Variants in NCKAP5 observed in about 807,000 individuals in gnomAD.
NCKAP5 encodes NCK associated protein 5.
Under a neutral mutation model 167.0 loss-of-function variants are expected in NCKAP5, and 92 were observed. That is an observed-to-expected ratio of 0.55 (90% CI 0.47 to 0.66). NCKAP5 has a LOEUF of 0.66. NCKAP5 is among the 30% of genes least tolerant of loss of function. NCKAP5 has a pLI of 0.00. For missense variants in NCKAP5, 2,378 were observed against 2,315.0 expected (o/e 1.03, Z -0.56); for synonymous variants, 891 against 877.4 (o/e 1.02, Z -0.27).
In NCKAP5 at chr2:133,547,021, G is replaced by A. The variant is rs539637181; in HGVS notation, c.-62+12029C>T. On this transcript the variant is annotated intron_variant, in intron 2 of 19. Coordinates refer to ENST00000409261, the MANE Select transcript of NCKAP5 (RefSeq NM_207363.3). The stretch of plus-strand genomic sequence containing the variant: ...AGTGGGCGCAGGCCAGTGGGTGCGC[G>A]CACCGTGCGCGAGCTGAAGCAGGGC... Among the ~76,000 whole-genome samples the A allele has an allele frequency of 5.3e-4, 81 of 152,278 alleles. 1 individual carries two copies. The South Asian group carries it at 6.8e-3, about 13-fold the overall frequency.
chr2:132,728,410 A>G (rs906639540), intron 18 of NCKAP5, among the ~76,000 whole-genome samples: 1 of 152,210 alleles, frequency 6.6e-6, no homozygotes, highest in Admixed American at 6.5e-5. Flanking sequence ...CTTAAAAGCA[A>G]TAGAATTAGA....
At chr2:132,955,253 C>T (rs542069338) in intron 8 of NCKAP5, among the ~76,000 whole-genome samples, 21 of 152,296 alleles carry the variant, frequency 1.4e-4, no homozygotes, top group Middle Eastern at 3.4e-3. Flanking sequence ...TGGACATATC[C>T]GTGGCCATGT....
At chr2:133,518,352 T>TA (rs923456990) in intron 2 of NCKAP5, among the ~76,000 whole-genome samples, 3 of 115,276 alleles carry the variant, frequency 2.6e-5, no homozygotes, top group Non-Finnish European at 5.5e-5. Context: ...GGATTTTTTT[T>TA]TTTTTTTTTT....
chr2:133,306,820 A>T (rs1680811136), intron 3 of NCKAP5, among the ~76,000 whole-genome samples: 1 of 152,164 alleles, frequency 6.6e-6, no homozygotes, highest in Non-Finnish European at 1.5e-5. Flanking sequence ...TCAATATCTC[A>T]TTTGGGAAAC....
At chr2:133,194,426 A>G (rs1026038209) in intron 5 of NCKAP5, among the ~76,000 whole-genome samples, 1 of 152,134 alleles carries the variant, frequency 6.6e-6, no homozygotes, top group African/African-American at 2.4e-5. Flanking sequence ...AGGAACCAAC[A>G]AGTCAGTTTC....
At chr2:133,291,305 G>T (rs1048790264) in intron 4 of NCKAP5, among the ~76,000 whole-genome samples, 2 of 152,178 alleles carry the variant, frequency 1.3e-5, no homozygotes, top group Non-Finnish European at 2.9e-5. Flanking sequence ...CAGTGTGATT[G>T]AGAGCAACAT....
At chr2:133,451,141 C>G (rs1416116769) in intron 3 of NCKAP5, among the ~76,000 whole-genome samples, 3 of 152,060 alleles carry the variant, frequency 2.0e-5, no homozygotes, top group African/African-American at 7.3e-5. Flanking sequence ...GACACAGACT[C>G]AAAGAGAAGA....
At chr2:133,229,393 A>T (rs1321030284) in intron 4 of NCKAP5, among the ~76,000 whole-genome samples, 1 of 152,218 alleles carries the variant, frequency 6.6e-6, no homozygotes, top group Admixed American at 6.5e-5. Context: ...GCCAACAAAA[A>T]GCCACTTCCT....
chr2:133,001,678 T>C (rs773366762), intron 6 of NCKAP5, among the ~76,000 whole-genome samples: 3 of 152,164 alleles, frequency 2.0e-5, no homozygotes, highest in Non-Finnish European at 4.4e-5. Context: ...ACTCAAATAT[T>C]TAAACCACCC....
At chr2:132,976,388 C>T (rs545359768) in intron 7 of NCKAP5, among the ~76,000 whole-genome samples, 1 of 151,948 alleles carries the variant, frequency 6.6e-6, no homozygotes, top group East Asian at 1.9e-4. Flanking sequence ...CATGGTGAAA[C>T]CCCATCTCTA....
At chr2:132,995,565 C>T (rs934893010) in intron 6 of NCKAP5, among the ~76,000 whole-genome samples, 3 of 151,690 alleles carry the variant, frequency 2.0e-5, no homozygotes, top group African/African-American at 4.8e-5. Context: ...ACAGGAGAAT[C>T]GCTTGAACCT....
rs569889799 is a variant in NCKAP5, at chr2:133,053,570, A to G, written c.342-59331T>C. Among the ~76,000 whole-genome samples the G allele has an allele frequency of 1.9e-4, 29 of 152,284 alleles. No homozygotes were observed. In the South Asian group the frequency reaches 5.8e-3, roughly 30 times the overall value. ...GCGACCTTCAAAAATTCAAAGGTTA[A>G]CTTTCTTTACTTTCTGAATCCTACT... On this transcript the variant is annotated intron_variant, in intron 6 of 19. Transcript: ENST00000409261.
At chr2:132,948,620 G>A (rs1176880324) in intron 8 of NCKAP5, among the ~76,000 whole-genome samples, 1 of 152,110 alleles carries the variant, frequency 6.6e-6, no homozygotes, top group Non-Finnish European at 1.5e-5. Context: ...CAAAGGAGAG[G>A]CTGTATGAAA....
intron 16 of NCKAP5, among the ~76,000 whole-genome samples, chr2:132,767,761 A>G (rs1681642389): frequency 2.0e-5 from 3 of 152,248 alleles, no homozygotes; most frequent in Admixed American, 2.0e-4. Flanking sequence ...ACTCAAAGGT[A>G]TTTACTGAGC....
intron 3 of NCKAP5, among the ~76,000 whole-genome samples, chr2:133,480,702 T>A (rs1211409490): frequency 1.3e-5 from 2 of 152,226 alleles, no homozygotes; most frequent in African/African-American, 4.8e-5. Context: ...CACCTTTGCA[T>A]GGGCTTCTCC....
chr2:133,512,246 T>C (rs530014915), intron 3 of NCKAP5, among the ~76,000 whole-genome samples: 45 of 152,312 alleles, frequency 3.0e-4, no homozygotes, highest in African/African-American at 8.7e-4. Context: ...CTTCTAAATA[T>C]TTTTCTACTA....
chr2:132,752,398 C>T (rs539980361), intron 16 of NCKAP5, among the ~76,000 whole-genome samples: 42 of 152,356 alleles, frequency 2.8e-4, no homozygotes, highest in African/African-American at 9.4e-4. Flanking sequence ...CTTTGTTCCA[C>T]ATGAACTCAG....
intron 11 of NCKAP5, among the ~76,000 whole-genome samples, chr2:132,851,156 G>A (rs564505872): frequency 6.6e-6 from 1 of 152,232 alleles, no homozygotes; most frequent in African/African-American, 2.4e-5. Context: ...GCATGAAGAT[G>A]GTTTTATGAA....
intron 11 of NCKAP5, among the ~76,000 whole-genome samples, chr2:132,837,278 C>G (rs1313123219): frequency 6.6e-6 from 1 of 152,108 alleles, no homozygotes. Context: ...AACCTGAATG[C>G]TTCCTTGCTT....
Sources: allele counts gnomAD v4.1 joint callset (sites outside exome capture counted in the v4.1 genomes callset), GRCh38; gene constraint gnomAD v4.1.1; transcripts MANE v1.5; gene names NCBI Gene and HGNC (gene_info 2026-07-23, HGNC 2026-07-21).